The following CD36 variants were observed in gnomAD, a reference collection of about 807,000 sequenced individuals.
CD36 encodes the protein CD36 molecule (CD36 blood group).
Under a neutral mutation model 55.2 loss-of-function variants are expected in CD36, and 119 were observed. That is an observed-to-expected ratio of 2.15 (90% CI 1.86 to 2.51). CD36 has a LOEUF of 2.51. Ranked by LOEUF, CD36 falls within the 30% of genes most tolerant of loss-of-function variation. The probability of loss-of-function intolerance (pLI) is 0.00; values close to 1 mark genes in which losing one functional copy is unlikely to be tolerated. For missense variants in CD36, 819 were observed against 555.5 expected (o/e 1.47, Z -4.77); for synonymous variants, 186 against 193.6 (o/e 0.96, Z 0.33).
chr7:80,639,817 T>G (rs2116280036), intron 1 of CD36: 1 of 152,074 alleles, frequency 6.6e-6, no homozygotes, highest in Admixed American at 6.6e-5. Flanking sequence ...AAATAAGAAC[T>G]AAAGTAGAAA....
intron 3 of CD36, among the ~76,000 whole-genome samples, chr7:80,654,676 T>A (rs1795900315): frequency 6.6e-6 from 1 of 152,092 alleles, no homozygotes; most frequent in Non-Finnish European, 1.5e-5. Flanking sequence ...TTGTAAAAAG[T>A]AATAAAGATT....
Position 80,671,993 on chromosome 7 carries a change from T to A in CD36, c.1078T>A (p.Leu360Ile). The A allele has an allele frequency of 6.2e-7, 1 of 1,609,304 alleles. No individual in the cohort carries two copies. The highest frequency in any genetic ancestry group is 8.5e-7 in the Non-Finnish European group (1 of 1,176,264). The change falls in exon 11 of 15, where the codon TTA becomes ATA. Residue 360 changes from leucine (L) to isoleucine (I), a missense_variant. Transcript: ENST00000447544. ...TGATGTTTCAGAACCTATTGATGGA[T>A]TAAACCCAAATGAAGAAGAACATAG... is the stretch of plus-strand genomic sequence containing the variant. ...SPDVSEPIDG[L>I]NPNEEEHRTY... is the part of the protein sequence containing the mutation.
chr7:80,666,423 T>C lies in CD36; in HGVS notation c.702-20T>C. 6.5e-7 allele frequency: 1 copy of C among 1,528,134 alleles called. No homozygotes were observed. Among genetic ancestry groups the C allele is most frequent in the Middle Eastern group, 1.7e-4 (1 of 5,876 alleles). 94.7% of individuals were successfully genotyped at this position (1,528,134 alleles called of 1,614,324 possible). Reference sequence around the variant, plus strand: ...TTCTTTAAATAAGAATGTTTATTCATTGTCTTTTTCTATTCCTAGGAATCT... The same window carrying C: ...TTCTTTAAATAAGAATGTTTATTCACTGTCTTTTTCTATTCCTAGGAATCT... On this transcript the variant is annotated intron_variant, in intron 7 of 14. Coordinates refer to ENST00000447544, the MANE Select transcript of CD36 (RefSeq NM_001001548.3).
intron 1 of CD36, among the ~76,000 whole-genome samples, chr7:80,639,619 C>T (rs997506193): frequency 1.3e-5 from 2 of 151,880 alleles, no homozygotes; most frequent in Admixed American, 6.6e-5. Flanking sequence ...CATCAAGTAG[C>T]ATATTGAAAC....
intron 13 of CD36, 124 bp from the exon 14 acceptor site, chr7:80,673,859 T>C: frequency 1.3e-6 from 1 of 744,894 alleles, no homozygotes; most frequent in South Asian, 1.5e-5. Flanking sequence ...TCCATTAACT[T>C]GCCTTATAGA....
chr7:80,662,872 A>G (rs1796663795), intron 5 of CD36, 118 bp from the exon 6 acceptor site: 4 of 816,388 alleles, frequency 4.9e-6, no homozygotes, highest in Non-Finnish European at 8.1e-6. Context: ...ATCTGGCAGT[A>G]ATTTTAAAGA....
chr7:80,604,668 C>T (rs1792443475), intron 1 of CD36, among the ~76,000 whole-genome samples: 1 of 151,666 alleles, frequency 6.6e-6, no homozygotes, highest in Non-Finnish European at 1.5e-5. Flanking sequence ...ACCAAGGACT[C>T]CAGACTGTGC....
intron 5 of CD36, chr7:80,662,550 G>A (rs1796625021): frequency 1.8e-5 from 5 of 283,326 alleles, no homozygotes; most frequent in Admixed American, 7.4e-5. Flanking sequence ...TTTCTGTCAC[G>A]TGTGGCTCCA....
chr7:80,632,081 C>G (rs917836155), intron 1 of CD36, among the ~76,000 whole-genome samples: 1 of 151,596 alleles, frequency 6.6e-6, no homozygotes, highest in Non-Finnish European at 1.5e-5. Context: ...AGAGCAAAAC[C>G]TTCCCTTAAG....
intron 1 of CD36, among the ~76,000 whole-genome samples, chr7:80,641,221 C>G (rs927330644): frequency 9.9e-5 from 15 of 151,982 alleles, no homozygotes; most frequent in African/African-American, 3.6e-4. Flanking sequence ...AAAGAATGAC[C>G]TAATGACCTT....
At chr7:80,637,921 T>G (rs940482276), upstream of CD36, among the ~76,000 whole-genome samples, 1 of 141,910 alleles carries the variant, frequency 7.0e-6, no homozygotes, top group African/African-American at 2.5e-5. Flanking sequence ...TTTTTTTTTT[T>G]GAAAGTGACT....
intron 1 of CD36, among the ~76,000 whole-genome samples, chr7:80,643,682 C>T (rs1039195651): frequency 2.6e-5 from 4 of 152,022 alleles, no homozygotes; most frequent in Admixed American, 6.6e-5. Context: ...TGCACTTCCA[C>T]GTAAGAATTG....
chr7:80,650,199 G>T lies in CD36; in HGVS notation c.120+3339G>T, dbSNP rs569674294. On this transcript the variant is annotated intron_variant, in intron 3 of 14. Transcript: ENST00000447544. ...AGTGCACATTGTAAGCCCCCTACAT[G>T]TCCATAGACTAAGACTCATCATCAG... Among the ~76,000 whole-genome samples, 138 of 152,136 alleles carry T rather than the reference G, an allele frequency of 9.1e-4. 1 individual carries two copies. The highest frequency in any genetic ancestry group is 3.2e-3 in the African/African-American group (134 of 41,544).
chr7:80,624,561 G>T (rs2075005210), intron 1 of CD36, among the ~76,000 whole-genome samples: 1 of 152,070 alleles, frequency 6.6e-6, no homozygotes, highest in African/African-American at 2.4e-5. Context: ...GCATGCAACA[G>T]TGGAGGAATA....
Position 80,646,770 on chromosome 7 carries a change from C to A in CD36, c.30C>A (p.Ile10=). 6.2e-7 allele frequency: 1 copy of A among 1,613,972 alleles called. No homozygotes were observed. Among genetic ancestry groups the A allele is most frequent in the Non-Finnish European group, 8.5e-7 (1 of 1,179,934 alleles). MGCDRNCGL[I]AGAVIGAVLA... ...GCTGTGACCGGAACTGTGGGCTCAT[C>A]GCTGGGGCTGTCATTGGTGCTGTCC... The change falls in exon 3 of 15, where the codon ATC becomes ATA. Residue 10 remains isoleucine (I), a synonymous_variant. Coordinates refer to ENST00000447544, the MANE Select transcript of CD36 (RefSeq NM_001001548.3).
chr7:80,664,865 A>AC (rs919949335), intron 7 of CD36, among the ~76,000 whole-genome samples: 4 of 151,134 alleles, frequency 2.6e-5, no homozygotes, highest in African/African-American at 7.3e-5. Context: ...AAAAAAAAAA[A>AC]ACAACACATC....
chr7:80,602,897 T>C (rs763510361), intron 1 of CD36, among the ~76,000 whole-genome samples: 18 of 152,142 alleles, frequency 1.2e-4, no homozygotes, highest in Non-Finnish European at 2.2e-4. Context: ...TGAAAATGTT[T>C]TTTGGCTTGC....
intron 1 of CD36, among the ~76,000 whole-genome samples, chr7:80,632,785 ATTAT>A (rs1409259733): frequency 2.0e-5 from 3 of 151,924 alleles, no homozygotes; most frequent in East Asian, 3.9e-4. Context: ...CCTTCTCAAA[ATTAT>A]TTATTTTATT....
At chr7:80,646,432 G>T in intron 2 of CD36, 1 of 362,272 alleles carries the variant, frequency 2.8e-6, no homozygotes, top group Non-Finnish European at 5.3e-6. Flanking sequence ...GGAGGAATAT[G>T]AAGAAATTCA....
Sources: allele counts gnomAD v4.1 joint callset (sites outside exome capture counted in the v4.1 genomes callset), GRCh38; gene constraint gnomAD v4.1.1; transcripts MANE v1.5; gene names NCBI Gene and HGNC (gene_info 2026-07-23, HGNC 2026-07-21).